The following MDH1B variants were observed in gnomAD, a reference collection of about 807,000 sequenced individuals.
The protein encoded by MDH1B is putative malate dehydrogenase 1B.
MDH1B carries 60 observed loss-of-function variants against 61.4 expected under a neutral mutation model. The ratio of observed to expected loss-of-function variants is 0.98; its 90% CI spans 0.79 to 1.21. MDH1B has a LOEUF of 1.21. MDH1B is among the 50% of genes most tolerant of loss of function. MDH1B has a pLI of 0.00. For synonymous variants in MDH1B, 236 were observed against 218.7 expected (o/e 1.08, Z -0.70); for missense variants, 587 against 632.1 (o/e 0.93, Z 0.76).
intron 7 of MDH1B, among the ~76,000 whole-genome samples, chr2:206,747,000 CA>C (rs1688147021): frequency 6.6e-6 from 1 of 152,094 alleles, no homozygotes; most frequent in Non-Finnish European, 1.5e-5. Context: ...TTAAGATATA[CA>C]GAAATACTTA....
chr2:206,754,385 T>G (rs564884026), intron 5 of MDH1B, among the ~76,000 whole-genome samples: 1 of 152,228 alleles, frequency 6.6e-6, no homozygotes, highest in Non-Finnish European at 1.5e-5. Flanking sequence ...TAGTCTCATC[T>G]TCTCATCTTC....
At chr2:206,743,333 C>T (rs1259741066) in intron 9 of MDH1B, among the ~76,000 whole-genome samples, 3 of 152,182 alleles carry the variant, frequency 2.0e-5, no homozygotes, top group African/African-American at 7.2e-5. Context: ...AGTCCTTGTT[C>T]TTGAAACACC....
At chr2:206,747,638 G>A (rs1218352159) in intron 7 of MDH1B, among the ~76,000 whole-genome samples, 1 of 152,146 alleles carries the variant, frequency 6.6e-6, no homozygotes, top group African/African-American at 2.4e-5. Flanking sequence ...CCACAAGGAA[G>A]GGGACAATGC....
chr2:206,751,061 T>G lies in MDH1B; in HGVS notation c.925A>C (p.Ile309Leu). The G allele has an allele frequency of 6.3e-7, 1 of 1,597,176 alleles. No individual in the cohort carries two copies. Among genetic ancestry groups the G allele is most frequent in the Non-Finnish European group, 8.6e-7 (1 of 1,168,798 alleles). The change falls in exon 6 of 12, where the codon ATC (isoleucine) becomes CTC (leucine). Residue 309 changes from isoleucine (I) to leucine (L), a missense_variant. Coordinates refer to ENST00000374412, the MANE Select transcript of MDH1B (RefSeq NM_001039845.3). ...TTTCCACTGATATTACCCCAAATGA[T>G]CACGTCTTTAATGTCTGTGAAGAAT... is the stretch of plus-strand genomic sequence containing the variant. ...KTAPSYIKDVIIWGNISGNNY... is the reference protein window; with the variant it reads ...KTAPSYIKDVLIWGNISGNNY...
chr2:206,739,772 C>T (rs1177841387), intron 10 of MDH1B, 111 bp from the exon 11 acceptor site: 4 of 889,152 alleles, frequency 4.5e-6, no homozygotes, highest in Admixed American at 4.2e-5. Flanking sequence ...TCTCTGAATG[C>T]ATTGCTCTCC....
chr2:206,758,963 G>C (rs78288802), intron 2 of MDH1B, among the ~76,000 whole-genome samples: 1 of 108,648 alleles, frequency 9.2e-6, no homozygotes, highest in African/African-American at 4.5e-5. Flanking sequence ...AAGGCTGTTT[G>C]TTTTTTTTTT....
At chr2:206,753,453 A>G (rs1459005699) in intron 5 of MDH1B, among the ~76,000 whole-genome samples, 4 of 152,130 alleles carry the variant, frequency 2.6e-5, no homozygotes, top group Admixed American at 2.6e-4. Context: ...TGGTGACTTC[A>G]GTCACCGTGA....
intron 7 of MDH1B, 86 bp from the exon 8 acceptor site, chr2:206,746,512 A>G: frequency 2.2e-6 from 3 of 1,366,888 alleles, no homozygotes; most frequent in Non-Finnish European, 2.9e-6. Context: ...AAAATGACAG[A>G]CATAGTATAG....
intron 6 of MDH1B, 30 bp from the exon 7 acceptor site, chr2:206,749,213 A>G: frequency 1.2e-6 from 2 of 1,602,900 alleles, no homozygotes; most frequent in Middle Eastern, 1.7e-4. Context: ...CAATTTTACA[A>G]TGGAGAGAGG....
rs1347612020 is a variant in MDH1B at position 206,755,169 on chromosome 2, A to C, written c.750T>G (p.Ser250=). The C allele has an allele frequency of 6.2e-7, 1 of 1,614,206 alleles. No individual in the cohort carries two copies. Among genetic ancestry groups the C allele is most frequent in the East Asian group, 2.2e-5 (1 of 44,876 alleles). ...GYLIEKNAHE[S]VRVIVGGRTF... ...TTCTCCCTCCCACGATGACTCTGAC[A>C]GACTCATGAGCATTTTTCTCTATCA... Residue 250 remains serine (S), a synonymous_variant, in exon 5 of 12, where the codon TCT becomes TCG. Coordinates refer to ENST00000374412, the MANE Select transcript of MDH1B (RefSeq NM_001039845.3).
At position 206,750,941 on chromosome 2, in the gene MDH1B, A is replaced by T; in HGVS notation, c.1045T>A (p.Phe349Ile). 1 of 1,606,294 alleles carries T rather than the reference A, an allele frequency of 6.2e-7. No homozygotes were observed. Among genetic ancestry groups the T allele is most frequent in the Non-Finnish European group, 8.5e-7 (1 of 1,176,676 alleles). Residue 349 changes from phenylalanine (F) to isoleucine (I), a missense_variant, in exon 6 of 12, where the codon TTT becomes ATT. Phe to Ile is a conservative substitution (Grantham distance 21, BLOSUM62 0). Coordinates refer to ENST00000374412, the MANE Select transcript of MDH1B (RefSeq NM_001039845.3). ...HYSRPVLNLIFDSEWVKREFV... is the reference protein window; with the variant it reads ...HYSRPVLNLIIDSEWVKREFV... The stretch of plus-strand genomic sequence containing the variant: ...CTTCAAAATATACTGTACCTGTCAA[A>T]AATCAAGTTTAAAACAGGGCGTGAA...
chr2:206,756,602 G>C (rs2105945522), intron 4 of MDH1B: 1 of 308,140 alleles, frequency 3.2e-6, no homozygotes, highest in Non-Finnish European at 6.0e-6. Context: ...AAGAGGGAGA[G>C]AGCAACAGTC....
intron 1 of MDH1B, among the ~76,000 whole-genome samples, chr2:206,762,046 G>A (rs1272231088): frequency 6.6e-6 from 1 of 152,150 alleles, no homozygotes; most frequent in Non-Finnish European, 1.5e-5. Context: ...CACCACTACA[G>A]AAACATTGTA....
chr2:206,757,104 T>C (rs575210906), intron 3 of MDH1B, 64 bp from the exon 4 acceptor site: 1 of 1,561,490 alleles, frequency 6.4e-7, no homozygotes, highest in Admixed American at 1.9e-5. Flanking sequence ...TTGGCTATAA[T>C]GGAAAGTTTT....
Position 206,738,046 on chromosome 2 carries a change from T to C in MDH1B, c.*437A>G, listed in dbSNP as rs1014964333. 1.9e-4 allele frequency: 29 copies of C among 153,376 alleles called. No individual in the cohort carries two copies. The highest frequency in any genetic ancestry group is 6.7e-4 in the African/African-American group (28 of 41,600). The allele number at this position is 153,376 out of a possible 1,614,324, so 9.5% of individuals were successfully genotyped here. On this transcript the variant is annotated 3_prime_UTR_variant, in exon 12 of 12. Coordinates refer to ENST00000374412, the MANE Select transcript of MDH1B (RefSeq NM_001039845.3). Reference sequence around the variant, plus strand: ...AGAGACAGAGAGAAAATATGATTGGTTCTCCTTGAGTGAAGTACATCTGTT... The same window carrying C: ...AGAGACAGAGAGAAAATATGATTGGCTCTCCTTGAGTGAAGTACATCTGTT...
At chr2:206,744,126 T>C (rs1687961598) in intron 9 of MDH1B, among the ~76,000 whole-genome samples, 1 of 152,216 alleles carries the variant, frequency 6.6e-6, no homozygotes, top group African/African-American at 2.4e-5. Context: ...CCACAGTTTT[T>C]CCAAACAAGT....
At chr2:206,748,856 C>G (rs571411721) in intron 7 of MDH1B, among the ~76,000 whole-genome samples, 164 bp downstream of exon 7, 1 of 152,276 alleles carries the variant, frequency 6.6e-6, no homozygotes, top group Admixed American at 6.5e-5. Context: ...ATATTGTTGA[C>G]TTTCTGAATG....
At chr2:206,745,337 C>T in intron 9 of MDH1B, 1 of 550,674 alleles carries the variant, frequency 1.8e-6, no homozygotes, top group Non-Finnish European at 3.4e-6. Context: ...TGTTTTTAAG[C>T]CATCCACTTT....
rs758148222 is a variant in MDH1B, at chr2:206,750,925, A to G, written c.1052+9T>C. 2.5e-6 allele frequency: 4 copies of G among 1,598,672 alleles called. No homozygotes were observed. In the Admixed American group the frequency reaches 7.0e-5, roughly 28 times the overall value. ...TTGTCAGTATGCTTCACTTCAAAAT[A>G]TACTGTACCTGTCAAAAATCAAGTT... On this transcript the variant is annotated intron_variant, in intron 6 of 11. Coordinates refer to ENST00000374412, the MANE Select transcript of MDH1B (RefSeq NM_001039845.3).
Sources: allele counts gnomAD v4.1 joint callset (sites outside exome capture counted in the v4.1 genomes callset), GRCh38; gene constraint gnomAD v4.1.1; transcripts MANE v1.5; gene names NCBI Gene and HGNC (gene_info 2026-07-23, HGNC 2026-07-21).